WRN: variants seen among roughly 807,000 people sequenced by gnomAD.
WRN encodes bifunctional 3'-5' exonuclease/ATP-dependent helicase WRN.
WRN carries 149 observed loss-of-function variants against 180.7 expected under a neutral mutation model. That is an observed-to-expected ratio of 0.82 (90% CI 0.72 to 0.94). The LOEUF is 0.94. WRN is among the 40% of genes least tolerant of loss of function. The pLI, the probability that WRN is intolerant of heterozygous loss-of-function variation, is 0.00. For missense variants in WRN, 1,661 were observed against 1,700.1 expected (o/e 0.98, Z 0.40); for synonymous variants, 548 against 568.9 (o/e 0.96, Z 0.52).
intron 19 of WRN, among the ~76,000 whole-genome samples, chr8:31,113,205 CAA>C (rs11420804): frequency 8.0e-5 from 9 of 112,256 alleles, no homozygotes; most frequent in African/African-American, 7.5e-5. Context: ...GGCCCCGTTT[CAA>C]AAAAAAAAAA....
chr8:31,138,347 T>C (rs1156537773), intron 24 of WRN, among the ~76,000 whole-genome samples: 1 of 152,196 alleles, frequency 6.6e-6, no homozygotes, highest in Non-Finnish European at 1.5e-5. Flanking sequence ...ATTTAAAGTA[T>C]ACAATTTGAT....
chr8:31,135,067 T>TA (rs1313115665), intron 24 of WRN, among the ~76,000 whole-genome samples: 1 of 151,868 alleles, frequency 6.6e-6, no homozygotes, highest in Non-Finnish European at 1.5e-5. Flanking sequence ...CTGTGGGCTT[T>TA]TTGTAGTTTC....
rs1804210966 is a variant in WRN, at chr8:31,174,612, G to A, written c.*1510G>A. On this transcript the variant is annotated 3_prime_UTR_variant, in exon 35 of 35. Coordinates refer to ENST00000298139, the MANE Select transcript of WRN (RefSeq NM_000553.6). ...TTGGAAAAGTTGTGTTCCTCCACTG[G>A]AAGCTTGACAGCTTTCCTTAACATA... 6.6e-6 allele frequency among the ~76,000 whole-genome samples: 1 copy of A among 152,136 alleles called. No individual in the cohort carries two copies. The highest frequency in any genetic ancestry group is 2.4e-5 in the African/African-American group (1 of 41,438).
intron 21 of WRN, among the ~76,000 whole-genome samples, chr8:31,123,575 C>T (rs1053358835): frequency 1.3e-5 from 2 of 152,080 alleles, no homozygotes; most frequent in African/African-American, 4.8e-5. Context: ...CTTTCCAGAA[C>T]TCCTTGAGAA....
intron 21 of WRN, among the ~76,000 whole-genome samples, chr8:31,123,969 T>C (rs1330418506): frequency 6.6e-6 from 1 of 152,112 alleles, no homozygotes; most frequent in African/African-American, 2.4e-5. Flanking sequence ...AGGAACTTAA[T>C]TCTAATACTT....
chr8:31,171,450 G>GT (rs1804099208), intron 34 of WRN: 1 of 152,080 alleles, frequency 6.6e-6, no homozygotes, highest in African/African-American at 2.4e-5. Flanking sequence ...CTGATCATTA[G>GT]AAAGATGCAA....
At chr8:31,117,274 G>C (rs1370073803) in intron 20 of WRN, among the ~76,000 whole-genome samples, 1 of 152,268 alleles carries the variant, frequency 6.6e-6, no homozygotes. Context: ...GACACTCCCT[G>C]TTGGGGTCTT....
chr8:31,072,531 A>C (rs932625813), intron 7 of WRN, among the ~76,000 whole-genome samples: 1 of 152,156 alleles, frequency 6.6e-6, no homozygotes, highest in Admixed American at 6.5e-5. Context: ...ACAGGGTCTC[A>C]TTATGTTGCC....
intron 3 of WRN, among the ~76,000 whole-genome samples, chr8:31,063,170 G>A (rs1055552004): frequency 1.3e-5 from 2 of 152,084 alleles, no homozygotes; most frequent in South Asian, 2.1e-4. Context: ...ATAATTTTAT[G>A]TCTGAAAATA....
intron 1 of WRN, among the ~76,000 whole-genome samples, chr8:31,049,756 C>T (rs1812016610): frequency 6.6e-6 from 1 of 151,960 alleles, no homozygotes; most frequent in Non-Finnish European, 1.5e-5. Flanking sequence ...CCTGACCTCT[C>T]TAAGGGGATC....
intron 7 of WRN, 56 bp downstream of exon 7, chr8:31,068,383 C>A: frequency 1.4e-6 from 2 of 1,395,716 alleles, no homozygotes; most frequent in Non-Finnish European, 2.0e-6. Flanking sequence ...GGTTTATCTC[C>A]AAAAAAGGCA....
intron 1 of WRN, among the ~76,000 whole-genome samples, chr8:31,046,078 T>C (rs564547484): frequency 6.6e-6 from 1 of 152,316 alleles, no homozygotes; most frequent in South Asian, 2.1e-4. Context: ...ATTTTGGATA[T>C]AAATTTTGGA....
intron 18 of WRN, among the ~76,000 whole-genome samples, chr8:31,104,270 G>A (rs1180811722): frequency 1.3e-5 from 2 of 152,114 alleles, no homozygotes; most frequent in East Asian, 1.9e-4. Flanking sequence ...GATAGGTGTC[G>A]AGTGGTATCT....
intron 31 of WRN, among the ~76,000 whole-genome samples, chr8:31,153,390 C>T (rs1233929094): frequency 6.6e-6 from 1 of 152,068 alleles, no homozygotes; most frequent in Admixed American, 6.6e-5. Flanking sequence ...AATGCTTCCT[C>T]AGTAAATACC....
chr8:31,093,799 G>GT (rs1258469458), intron 16 of WRN, among the ~76,000 whole-genome samples: 2 of 152,080 alleles, frequency 1.3e-5, no homozygotes, highest in Non-Finnish European at 2.9e-5. Flanking sequence ...GCTCCTTCCT[G>GT]TTACTGTAGA....
chr8:31,124,953 C>T lies in WRN; in HGVS notation c.2778C>T (p.Ser926=). The stretch of plus-strand genomic sequence containing the variant: ...AGGACAAACAAGTACAAAAAGCCTC[C>T]TTGGGAATTATGGGAACTGAAAAAT... ...HFEDKQVQKA[S]LGIMGTEKCC... is the part of the protein sequence containing the mutation. The change falls in exon 23 of 35, where the codon TCC becomes TCT. Residue 926 remains serine (S), a synonymous_variant. Coordinates refer to ENST00000298139, the MANE Select transcript of WRN (RefSeq NM_000553.6). The T allele has an allele frequency of 6.2e-7, 1 of 1,613,150 alleles. No individual in the cohort carries two copies.
At chr8:31,064,837 A>G (rs1195276650) in intron 4 of WRN, 78 bp from the exon 5 acceptor site, 1 of 1,475,416 alleles carries the variant, frequency 6.8e-7, no homozygotes, top group Non-Finnish European at 9.4e-7. Flanking sequence ...TTACACATAA[A>G]CATGGTATGT....
chr8:31,171,326 A>G (rs1315634932), intron 34 of WRN: 1 of 148,614 alleles, frequency 6.7e-6, no homozygotes, highest in East Asian at 1.9e-4. Flanking sequence ...AACCTAAACA[A>G]ATTTACAAGA....
chr8:31,056,932 A>C (rs904173999), intron 1 of WRN, among the ~76,000 whole-genome samples: 2 of 152,186 alleles, frequency 1.3e-5, no homozygotes, highest in Non-Finnish European at 2.9e-5. Context: ...TGTCATTGGG[A>C]TGTTTACTGG....
Sources: allele counts gnomAD v4.1 joint callset (sites outside exome capture counted in the v4.1 genomes callset), GRCh38; gene constraint gnomAD v4.1.1; transcripts MANE v1.5; gene names NCBI Gene and HGNC (gene_info 2026-07-23, HGNC 2026-07-21).